Variants in ASPH observed in about 807,000 individuals in gnomAD.
The protein encoded by ASPH is aspartate beta-hydroxylase.
Under a neutral mutation model 118.4 loss-of-function variants are expected in ASPH, and 100 were observed. The ratio of observed to expected loss-of-function variants is 0.84; its 90% CI spans 0.72 to 1.00. ASPH has a LOEUF of 1.00. ASPH is among the 50% of genes least tolerant of loss of function. The pLI, the probability that ASPH is intolerant of heterozygous loss-of-function variation, is 0.00. For missense variants in ASPH, 920 were observed against 919.5 expected, an observed-to-expected ratio of 1.00 and a Z score of -0.01; for synonymous variants, 315 against 325.6, an observed-to-expected ratio of 0.97 and a Z score of 0.35.
At chr8:61,650,343 T>C (rs1242015494) in intron 5 of ASPH, among the ~76,000 whole-genome samples, 1 of 152,170 alleles carries the variant, frequency 6.6e-6, no homozygotes, top group Non-Finnish European at 1.5e-5. Context: ...AGAAACGTAA[T>C]TTTATTTTCC....
At chr8:61,537,836 T>C (rs1011150178) in intron 21 of ASPH, among the ~76,000 whole-genome samples, 1 of 152,076 alleles carries the variant, frequency 6.6e-6, no homozygotes, top group Non-Finnish European at 1.5e-5. Flanking sequence ...TCTTTTTTTT[T>C]CTCCCACATT....
chr8:61,620,243 T>C (rs1850443120), intron 13 of ASPH, among the ~76,000 whole-genome samples: 1 of 152,210 alleles, frequency 6.6e-6, no homozygotes, highest in Non-Finnish European at 1.5e-5. Flanking sequence ...TCACACCCTG[T>C]GGAGAAGGTC....
At chr8:61,664,689 G>A (rs1166286015) in intron 3 of ASPH, 2 of 985,704 alleles carry the variant, frequency 2.0e-6, no homozygotes, top group African/African-American at 1.8e-5. Context: ...AAAAGGGGAA[G>A]GAGAACCCAT....
At position 61,643,372 on chromosome 8, in the gene ASPH, T is replaced by C; in HGVS notation, c.757+14A>G. On this transcript the variant is annotated intron_variant, in intron 9 of 24. Coordinates refer to ENST00000379454, the MANE Select transcript of ASPH (RefSeq NM_004318.4). ...GGTAATATTTTAAATCTAATGAAAA[T>C]GCTCATCTAATACCTGTATCATGGT... 6.3e-7 allele frequency: 1 copy of C among 1,597,928 alleles called. No individual in the cohort carries two copies. The highest frequency in any genetic ancestry group is 8.5e-7 in the Non-Finnish European group (1 of 1,174,698).
At chr8:61,633,634 A>C (rs373501932) in intron 13 of ASPH, 49 bp downstream of exon 13, 1 of 1,484,402 alleles carries the variant, frequency 6.7e-7, no homozygotes, top group Non-Finnish European at 9.2e-7. Context: ...TATTAACAGG[A>C]TTTTTAAGGA....
chr8:61,614,059 G>A (rs1245329751), intron 14 of ASPH, among the ~76,000 whole-genome samples: 1 of 152,012 alleles, frequency 6.6e-6, no homozygotes, highest in Non-Finnish European at 1.5e-5. Flanking sequence ...TTGCAGATGT[G>A]ATTTCTGTTA....
chr8:61,527,115 T>C (rs1235751768), intron 21 of ASPH, among the ~76,000 whole-genome samples: 1 of 152,198 alleles, frequency 6.6e-6, no homozygotes, highest in Non-Finnish European at 1.5e-5. Context: ...GGCAGATCTA[T>C]TTTCAGTGAC....
intron 1 of ASPH, among the ~76,000 whole-genome samples, chr8:61,699,288 A>C (rs1212918045): frequency 1.3e-5 from 2 of 152,234 alleles, no homozygotes; most frequent in Non-Finnish European, 2.9e-5. Flanking sequence ...ATCAGTAAAA[A>C]TTTCACAACT....
rs1812195688 is a variant in ASPH at position 61,653,604 on chromosome 8, G to GT, written c.378dup (p.His127ThrfsTer3). ...GGAACCTGCTCCTCGGGCTCAGTGT[G>GT]TGGCTCAGCCTCTTCTGGCGGGACT... On this transcript the variant is annotated frameshift_variant, in exon 4 of 25. Transcript: ENST00000379454. LOFTEE classifies it high-confidence loss of function. 1 of 1,613,838 alleles carries GT rather than the reference G, an allele frequency of 6.2e-7. No individual in the cohort carries two copies. The highest frequency in any genetic ancestry group is 1.7e-5 in the Admixed American group (1 of 59,982).
intron 17 of ASPH, among the ~76,000 whole-genome samples, chr8:61,563,669 C>A (rs1243414003): frequency 1.3e-5 from 2 of 152,220 alleles, no homozygotes; most frequent in African/African-American, 4.8e-5. Context: ...ACTCATCCGA[C>A]GGCCTATGCC....
chr8:61,631,625 GT>G (rs1442031163), intron 13 of ASPH: 1 of 152,170 alleles, frequency 6.6e-6, no homozygotes, highest in East Asian at 1.9e-4. Flanking sequence ...CTGTAGCCTT[GT>G]CATTAAGTGA....
intron 3 of ASPH, among the ~76,000 whole-genome samples, chr8:61,678,890 GCTCCCCCCATAAC>G (rs1410200980): frequency 3.3e-5 from 5 of 152,004 alleles, no homozygotes; most frequent in Non-Finnish European, 5.9e-5. Flanking sequence ...TCACTGTAGT[GCTCCCCCCATAAC>G]CTCTACCTGA....
chr8:61,551,107 T>G (rs1825840307), intron 20 of ASPH, among the ~76,000 whole-genome samples: 1 of 152,208 alleles, frequency 6.6e-6, no homozygotes, highest in Admixed American at 6.5e-5. Flanking sequence ...AGAAGGAGAC[T>G]AAATCTAGCT....
intron 20 of ASPH, among the ~76,000 whole-genome samples, chr8:61,550,491 G>GAA (rs1203438220): frequency 6.8e-6 from 1 of 146,808 alleles, no homozygotes; most frequent in East Asian, 2.0e-4. Flanking sequence ...GAGAGAGAGA[G>GAA]AGAGAGAGAC....
chr8:61,598,776 T>C (rs180969023), intron 14 of ASPH, among the ~76,000 whole-genome samples: 105 of 152,238 alleles, frequency 6.9e-4, no homozygotes, highest in African/African-American at 2.3e-3. Flanking sequence ...TTTTAAAAAA[T>C]TGAAATCATA....
chr8:61,619,921 C>T (rs1021812040), intron 13 of ASPH, among the ~76,000 whole-genome samples: 1 of 152,114 alleles, frequency 6.6e-6, no homozygotes, highest in African/African-American at 2.4e-5. Context: ...GATAAAAAAC[C>T]AGACTCTGTC....
intron 21 of ASPH, among the ~76,000 whole-genome samples, chr8:61,536,037 C>CTT (rs34022613): frequency 0.078 from 10,068 of 128,358 alleles, 738 homozygotes; most frequent in East Asian, 0.28. Flanking sequence ...AAACAGGTGA[C>CTT]TTTTTTTTTT....
intron 22 of ASPH, among the ~76,000 whole-genome samples, chr8:61,519,735 A>G (rs1648324859): frequency 6.6e-6 from 1 of 152,192 alleles, no homozygotes; most frequent in Admixed American, 6.5e-5. Context: ...TTGACTGGCC[A>G]CTGCTGGCTC....
In ASPH at chr8:61,568,056, A is replaced by T. The variant is rs561450157; in HGVS notation, c.1150-738T>A. Among the ~76,000 whole-genome samples, 3 of 152,296 alleles carry T rather than the reference A, an allele frequency of 2.0e-5. No individual in the cohort carries two copies. In the East Asian group the frequency reaches 5.8e-4, roughly 29 times the overall value. ...AGGCCAGTGCAGTGGAGGGGAGGAAAGGGAAGACCAATGGAGGCCATGAGG... is the reference window on the plus strand; with the variant it reads ...AGGCCAGTGCAGTGGAGGGGAGGAATGGGAAGACCAATGGAGGCCATGAGG... On this transcript the variant is annotated intron_variant, in intron 16 of 24. Transcript: ENST00000379454.
Sources: gnomAD v4.1 joint callset for allele counts (sites outside exome capture counted in the v4.1 genomes callset) on GRCh38, gnomAD v4.1.1 for gene constraint, MANE v1.5 for transcripts, NCBI Gene and HGNC (gene_info 2026-07-23, HGNC 2026-07-21) for gene names.